The following DCAF6 variants were observed in gnomAD, a reference collection of about 807,000 sequenced individuals.
DCAF6 encodes DDB1 and CUL4 associated factor 6, also known as DDB1- and CUL4-associated factor 6.
DCAF6 carries 54 observed loss-of-function variants against 125.1 expected under a neutral mutation model. The observed-to-expected ratio is 0.43, with a 90% CI of 0.35 to 0.54. The LOEUF (loss-of-function observed/expected upper bound fraction) is 0.54, where lower values mean the gene tolerates loss of function less well. Among genes scored for constraint, DCAF6 ranks in the 20% least tolerant of loss-of-function variants. The probability of loss-of-function intolerance (pLI) is 0.01; values close to 1 mark genes in which losing one functional copy is unlikely to be tolerated. For missense variants in DCAF6, 934 were observed against 1,161.7 expected (o/e 0.80, Z 2.85); for synonymous variants, 371 against 390.4 (o/e 0.95, Z 0.58).
chr1:168,050,476 A>G (rs1326744824), intron 16 of DCAF6, among the ~76,000 whole-genome samples: 1 of 152,194 alleles, frequency 6.6e-6, no homozygotes, highest in Non-Finnish European at 1.5e-5. Context: ...CATTTGTTAT[A>G]TAGTCTTGTG....
the DCAF6 span, among the ~76,000 whole-genome samples, chr1:167,916,345 T>C: frequency 2.7e-4 from 41 of 152,314 alleles, no homozygotes; most frequent in African/African-American, 9.9e-4. Context: ...TAGCTGGGAT[T>C]ACAGGCGTGC....
In DCAF6 at chr1:168,010,304, A is replaced by T. The variant is rs193219166; in HGVS notation, c.1379-5477A>T. 1.5e-3 allele frequency among the ~76,000 whole-genome samples: 228 copies of T among 152,304 alleles called. 2 individuals carry two copies. The highest frequency in any genetic ancestry group is 6.8e-3 in the Middle Eastern group (2 of 294). On this transcript the variant is annotated intron_variant, in intron 10 of 21. Transcript: ENST00000367840. ...TGTTTGTGCTTTTTCACTCATGTATATATGGGTGAATATGGGTATGAAAAT... is the reference window on the plus strand; with the variant it reads ...TGTTTGTGCTTTTTCACTCATGTATTTATGGGTGAATATGGGTATGAAAAT...
At chr1:167,953,743 C>T (rs1354017898) in intron 2 of DCAF6, among the ~76,000 whole-genome samples, 1 of 151,932 alleles carries the variant, frequency 6.6e-6, no homozygotes, top group East Asian at 1.9e-4. Flanking sequence ...GGATTACAGG[C>T]ACCCACCACC....
At chr1:168,019,038 G>A (rs1283468912) in intron 11 of DCAF6, among the ~76,000 whole-genome samples, 1 of 151,804 alleles carries the variant, frequency 6.6e-6, no homozygotes, top group African/African-American at 2.4e-5. Context: ...ACATGATAAT[G>A]TACTCTCTCT....
At chr1:168,032,729 T>A (rs1687264172) in intron 12 of DCAF6, among the ~76,000 whole-genome samples, 1 of 152,196 alleles carries the variant, frequency 6.6e-6, no homozygotes, top group African/African-American at 2.4e-5. Context: ...TTTCACATGT[T>A]CCACAGCTTA....
At chr1:168,025,625 C>T (rs1686237526) in intron 12 of DCAF6, among the ~76,000 whole-genome samples, 1 of 152,108 alleles carries the variant, frequency 6.6e-6, no homozygotes, top group Admixed American at 6.5e-5. Context: ...CTTCACATTG[C>T]AGGCTCACAT....
At chr1:168,044,800 A>G in intron 15 of DCAF6, 100 bp from the exon 16 acceptor site, 1 of 1,439,282 alleles carries the variant, frequency 6.9e-7, no homozygotes, top group Non-Finnish European at 9.6e-7. Context: ...TAGAGGAATT[A>G]GACATCATAT....
chr1:167,969,450 A>T (rs1050862407), intron 3 of DCAF6, among the ~76,000 whole-genome samples: 1 of 152,214 alleles, frequency 6.6e-6, no homozygotes, highest in Non-Finnish European at 1.5e-5. Context: ...ATTGGCTTTT[A>T]GCTTCTGAGT....
At chr1:167,987,319 C>G (rs1680149538) in intron 4 of DCAF6, among the ~76,000 whole-genome samples, 176 bp from the exon 5 acceptor site, 1 of 152,240 alleles carries the variant, frequency 6.6e-6, no homozygotes, top group Non-Finnish European at 1.5e-5. Context: ...TACTTCTTAT[C>G]TATTTCTATC....
At chr1:167,898,766 G>T in the DCAF6 span, among the ~76,000 whole-genome samples, 1 of 152,092 alleles carries the variant, frequency 6.6e-6, no homozygotes, top group African/African-American at 2.4e-5. Context: ...ATCTTGACCA[G>T]CATCTGCACG....
intron 17 of DCAF6, 100 bp downstream of exon 17, chr1:168,051,033 C>A: frequency 1.9e-6 from 1 of 523,972 alleles, no homozygotes; most frequent in Non-Finnish European, 3.1e-6. Context: ...GTTAATACTC[C>A]CTTTGGACTT....
intron 15 of DCAF6, 71 bp downstream of exon 15, chr1:168,044,742 A>T: frequency 7.0e-7 from 1 of 1,438,466 alleles, no homozygotes; most frequent in Non-Finnish European, 9.7e-7. Flanking sequence ...TAATCTCTCT[A>T]TAGTTAGAGG....
chr1:168,063,606 A>G lies in DCAF6; in HGVS notation c.2301-15A>G, dbSNP rs1223762020. The G allele has an allele frequency of 6.8e-7, 1 of 1,477,972 alleles. No homozygotes were observed. The highest frequency in any genetic ancestry group is 2.7e-5 in the East Asian group (1 of 37,400). 91.6% of individuals were successfully genotyped at this position (1,477,972 alleles called of 1,614,324 possible). ...TTTTATTTATTTTTGTTTTTTTAAT[A>G]TGTAATTCATATAGACGCTCTGCTG... On this transcript the variant is annotated splice_polypyrimidine_tract_variant and intron_variant, in intron 17 of 21. Coordinates refer to ENST00000367840, the MANE Select transcript of DCAF6 (RefSeq NM_001198956.2).
the DCAF6 span, among the ~76,000 whole-genome samples, chr1:167,925,442 CATATATATATATAT>C: frequency 6.7e-4 from 55 of 82,476 alleles, 1 homozygote; most frequent in South Asian, 9.0e-3. Flanking sequence ...TACATATACA[CATATATATATATAT>C]ATATATATAT....
rs2103293139 is a variant in DCAF6 at position 168,029,466 on chromosome 1, A to C, written c.1609+6419A>C. ...GATAGGTACTAGGGTGCATGAATAA[A>C]TAACACTACTGTCTTCTGTACTGGG... is the stretch of plus-strand genomic sequence containing the variant. On this transcript the variant is annotated intron_variant, in intron 12 of 21. Transcript: ENST00000367840. Among the ~76,000 whole-genome samples, 2 of 152,362 alleles carry C rather than the reference A, an allele frequency of 1.3e-5. 1 individual carries two copies. The highest frequency in any genetic ancestry group is 4.1e-4 in the South Asian group (2 of 4,830).
the DCAF6 span, among the ~76,000 whole-genome samples, chr1:167,886,048 G>A: frequency 2.6e-5 from 4 of 152,070 alleles, no homozygotes; most frequent in Non-Finnish European, 4.4e-5. Flanking sequence ...AAGTAAAAGA[G>A]GACACAAACA....
the DCAF6 span, among the ~76,000 whole-genome samples, chr1:167,868,607 G>A: frequency 4.9e-5 from 7 of 143,760 alleles, no homozygotes; most frequent in South Asian, 2.3e-4. Flanking sequence ...TAGAACCTAC[G>A]CTAAGCTGCC....
At chr1:167,951,296 C>G (rs894586148) in intron 1 of DCAF6, among the ~76,000 whole-genome samples, 1 of 152,192 alleles carries the variant, frequency 6.6e-6, no homozygotes, top group East Asian at 1.9e-4. Context: ...AACTACAGGC[C>G]GGGCGTGGTG....
At chr1:167,908,408 G>A in the DCAF6 span, among the ~76,000 whole-genome samples, 2 of 152,080 alleles carry the variant, frequency 1.3e-5, no homozygotes, top group South Asian at 2.1e-4. Context: ...GGTTGGGTGG[G>A]TGGAATGAGA....
Sources: allele counts gnomAD v4.1 joint callset (sites outside exome capture counted in the v4.1 genomes callset), GRCh38; gene constraint gnomAD v4.1.1; transcripts MANE v1.5; gene names NCBI Gene and HGNC (gene_info 2026-07-23, HGNC 2026-07-21).